Variants in BMAL2 observed in about 807,000 individuals in gnomAD.
BMAL2 encodes basic helix-loop-helix ARNT-like protein 2.
the BMAL2 span, among the ~76,000 whole-genome samples, chr12:27,420,019 G>GCGCGCGCACACA: frequency 1.8e-4 from 26 of 147,566 alleles, no homozygotes; most frequent in Middle Eastern, 3.5e-3. Flanking sequence ...GTTTGCGCGT[G>GCGCGCGCACACA]CACACACACA....
At chr12:27,399,699 C>A in the BMAL2 span, among the ~76,000 whole-genome samples, 2 of 152,110 alleles carry the variant, frequency 1.3e-5, no homozygotes, top group Non-Finnish European at 2.9e-5. Context: ...AATGATTGTT[C>A]TAATCTTTTC....
At chr12:27,389,241 G>A in the BMAL2 span, 1 of 1,612,812 alleles carries the variant, frequency 6.2e-7, no homozygotes, top group Non-Finnish European at 8.5e-7. Context: ...CCAAAGTAAA[G>A]GAACAACTTT....
the BMAL2 span, among the ~76,000 whole-genome samples, chr12:27,351,056 A>G: frequency 1.5e-5 from 2 of 136,152 alleles, no homozygotes; most frequent in Non-Finnish European, 3.0e-5. Context: ...TGGCATGCAC[A>G]TGGTTCACTT....
At chr12:27,386,829 C>CA in the BMAL2 span, among the ~76,000 whole-genome samples, 1 of 152,106 alleles carries the variant, frequency 6.6e-6, no homozygotes, top group Non-Finnish European at 1.5e-5. Context: ...AGGGTTTCGC[C>CA]AGTGTTGCCC....
chr12:27,360,825 A>AAAAAC, the BMAL2 span, among the ~76,000 whole-genome samples: 7 of 149,542 alleles, frequency 4.7e-5, no homozygotes, highest in East Asian at 9.7e-4. Context: ...AAAAAAAAAA[A>AAAAAC]CAGTACTAAC....
At chr12:27,414,697 A>G in the BMAL2 span, among the ~76,000 whole-genome samples, 4 of 152,144 alleles carry the variant, frequency 2.6e-5, no homozygotes, top group Admixed American at 6.5e-5. Flanking sequence ...CTATGTTAAG[A>G]AAAAAACCCT....
chr12:27,378,248 T>G, the BMAL2 span, among the ~76,000 whole-genome samples: 1 of 152,358 alleles, frequency 6.6e-6, no homozygotes, highest in East Asian at 1.9e-4. Context: ...CAGCATTTCT[T>G]TCTCTTGTGA....
the BMAL2 span, chr12:27,390,377 T>A: frequency 3.2e-6 from 3 of 945,364 alleles, no homozygotes; most frequent in African/African-American, 1.7e-5. Flanking sequence ...AAGATTTTTT[T>A]AAACCAAAAT....
chr12:27,370,032 TG>T, the BMAL2 span: 1 of 831,250 alleles, frequency 1.2e-6, no homozygotes, highest in Non-Finnish European at 2.0e-6. Flanking sequence ...ACTGGGTAGC[TG>T]GACACAGTAG....
chr12:27,381,506 C>T, the BMAL2 span, among the ~76,000 whole-genome samples: 1 of 152,062 alleles, frequency 6.6e-6, no homozygotes, highest in Non-Finnish European at 1.5e-5. Flanking sequence ...GGAGGTGCCA[C>T]ACACTTTCAA....
At chr12:27,397,830 T>C in the BMAL2 span, among the ~76,000 whole-genome samples, 1 of 152,202 alleles carries the variant, frequency 6.6e-6, no homozygotes, top group African/African-American at 2.4e-5. Context: ...CATAAGATAA[T>C]TGTGCATGAG....
chr12:27,352,515 A>G, the BMAL2 span, among the ~76,000 whole-genome samples: 1 of 152,234 alleles, frequency 6.6e-6, no homozygotes, highest in Non-Finnish European at 1.5e-5. Flanking sequence ...CAAGGCGAGG[A>G]TGCCCACTCT....
chr12:27,416,923 A>G, the BMAL2 span, among the ~76,000 whole-genome samples: 1 of 152,206 alleles, frequency 6.6e-6, no homozygotes, highest in African/African-American at 2.4e-5. Context: ...TAATCACACC[A>G]CTGCACTAGC....
the BMAL2 span, chr12:27,420,787 A>G: frequency 3.0e-6 from 1 of 332,274 alleles, no homozygotes; most frequent in Non-Finnish European, 5.3e-6. Flanking sequence ...TATTTTTGCT[A>G]AAATATTTCT....
chr12:27,389,232 C>A, the BMAL2 span: 1 of 1,612,826 alleles, frequency 6.2e-7, no homozygotes, highest in South Asian at 1.1e-5. Flanking sequence ...AAGATGTTGC[C>A]AAAGTAAAGG....
At chr12:27,396,650 C>T in the BMAL2 span, among the ~76,000 whole-genome samples, 1 of 152,202 alleles carries the variant, frequency 6.6e-6, no homozygotes, top group East Asian at 1.9e-4. Context: ...TTCACTCCCA[C>T]GCCAAGCTGG....
At chr12:27,334,172 T>G in the BMAL2 span, among the ~76,000 whole-genome samples, 6 of 152,246 alleles carry the variant, frequency 3.9e-5, no homozygotes, top group Non-Finnish European at 8.8e-5. Flanking sequence ...TTCGTAGTCT[T>G]AGGTAAACCC....
At chr12:27,369,300 G>T in the BMAL2 span, among the ~76,000 whole-genome samples, 6 of 92,192 alleles carry the variant, frequency 6.5e-5, no homozygotes, top group Admixed American at 4.8e-4. Context: ...CTTTTTTGGT[G>T]GGGGGGGTGG....
At chr12:27,368,333 CCAA>C in the BMAL2 span, 6 of 1,614,116 alleles carry the variant, frequency 3.7e-6, no homozygotes, top group South Asian at 6.6e-5. Context: ...AGGGACAAGA[CCAA>C]CAGCTATGGG....
Sources: allele counts gnomAD v4.1 joint callset (sites outside exome capture counted in the v4.1 genomes callset), GRCh38; gene constraint gnomAD v4.1.1; transcripts MANE v1.5; gene names NCBI Gene and HGNC (gene_info 2026-07-23, HGNC 2026-07-21).